Variants in PSG7 observed in about 807,000 individuals in gnomAD.
The protein encoded by PSG7 is pregnancy specific beta-1-glycoprotein 7.
Under a neutral mutation model 45.6 loss-of-function variants are expected in PSG7, and 57 were observed. That is an observed-to-expected ratio of 1.25 (90% CI 1.01 to 1.56). PSG7 has a LOEUF of 1.56. PSG7 is among the 40% of genes most tolerant of loss of function. PSG7 has a pLI of 0.00. For missense variants in PSG7, 796 were observed against 508.4 expected, an observed-to-expected ratio of 1.57 and a Z score of -5.44; for synonymous variants, 298 against 194.4, an observed-to-expected ratio of 1.53 and a Z score of -4.43.
At position 42,929,564 on chromosome 19, in the gene PSG7, G is replaced by C. The variant is rs759879897; in HGVS notation, c.587C>G (p.Ser196Cys). 9 of 1,612,622 alleles carry C rather than the reference G, an allele frequency of 5.6e-6. 1 individual carries two copies. Among genetic ancestry groups the C allele is most frequent in the South Asian group, 1.1e-5 (1 of 90,844 alleles). The change falls in exon 3 of 6, where the codon TCT (serine) becomes TGT (cysteine). Residue 196 changes from serine to cysteine, a missense_variant. Transcript: ENST00000406070. ...SLPMTHSLQL[S>C]ETNRTLYLFG... ...TAGGTAGAGGGTCCTGTTGGTTTCA[G>C]ACAGCTGCAAGCTGTGAGTCATAGG...
chr19:42,925,199 A>G, intron 5 of PSG7: 1 of 321,336 alleles, frequency 3.1e-6, no homozygotes, highest in Non-Finnish European at 5.7e-6. Context: ...ATTCTTAAAT[A>G]TAACATCCCA....
rs530977667 is a variant in PSG7 at position 42,931,310 on chromosome 19, G to T, written c.431-1590C>A. Among the ~76,000 whole-genome samples, 610 of 151,258 alleles carry T rather than the reference G, an allele frequency of 4.0e-3. 13 individuals are homozygous for T. The highest frequency in any genetic ancestry group is 7.4e-3 in the Non-Finnish European group (501 of 67,808). ...TTAGGTGTGCCGTGAATTCCAGCAG[G>T]ATCACATTATGCTCAAAGAAAGATG... is the stretch of plus-strand genomic sequence containing the variant. On this transcript the variant is annotated intron_variant, in intron 2 of 5. Transcript: ENST00000406070.
chr19:42,935,750 C>G lies in PSG7; in HGVS notation c.84G>C (p.Trp28Cys), dbSNP rs782606896. The change falls in exon 2 of 6, where the codon TGG becomes TGC. Residue 28 changes from tryptophan (W) to cysteine (C), a missense_variant. By Grantham distance (215) the Trp-to-Cys change is radical (BLOSUM62 -2). Coordinates refer to ENST00000406070, the MANE Select transcript of PSG7 (RefSeq NM_002783.3). ...LLLTASLLNF[W>C]NPPTTAQVTI... ...TGACTTGGGCTGTGGTGGGCGGGTT[C>G]CAGAAGTTTAAAAGTGATGCTAGGA... The G allele has an allele frequency of 1.7e-5, 27 of 1,610,370 alleles. 1 individual carries two copies. The Admixed American group carries it at 2.2e-4, about 13-fold the overall frequency.
At chr19:42,935,009 G>T (rs1306099577) in intron 2 of PSG7, among the ~76,000 whole-genome samples, 1 of 151,618 alleles carries the variant, frequency 6.6e-6, no homozygotes, top group Non-Finnish European at 1.5e-5. Context: ...TAGGGACAGG[G>T]GTCTGGGGTT....
At chr19:42,936,851 G>T (rs1394235161) in intron 1 of PSG7, among the ~76,000 whole-genome samples, 162 bp downstream of exon 1, 3 of 151,398 alleles carry the variant, frequency 2.0e-5, no homozygotes, top group Non-Finnish European at 2.9e-5. Context: ...GCTACATTGT[G>T]TTGGCCAGAC....
chr19:42,934,520 C>T (rs1973103619), intron 2 of PSG7, among the ~76,000 whole-genome samples: 1 of 151,546 alleles, frequency 6.6e-6, no homozygotes, highest in Non-Finnish European at 1.5e-5. Flanking sequence ...AGCTAAATGG[C>T]AAATGGACTG....
At chr19:42,932,379 T>G (rs1973040027) in intron 2 of PSG7, among the ~76,000 whole-genome samples, 1 of 151,466 alleles carries the variant, frequency 6.6e-6, no homozygotes, top group Non-Finnish European at 1.5e-5. Flanking sequence ...TACTTAGTGT[T>G]AGAACCGAGT....
chr19:42,935,967 C>T (rs1336354142), intron 1 of PSG7, among the ~76,000 whole-genome samples, 198 bp from the exon 2 acceptor site: 2 of 150,774 alleles, frequency 1.3e-5, no homozygotes, highest in Non-Finnish European at 3.0e-5. Flanking sequence ...GTGTGTCCTA[C>T]TGTCCTACTA....
Position 42,926,520 on chromosome 19 carries a change from T to C in PSG7, c.906A>G (p.Arg302=), listed in dbSNP as rs1202325157. ...CACATTGATAGGGTCCTGTTTCATTTCTCGTGACACTGGGTAGAATGAGGA... is the reference window on the plus strand; with the variant it reads ...CACATTGATAGGGTCCTGTTTCATTCCTCGTGACACTGGGTAGAATGAGGA... ...NRILILPSVT[R]NETGPYQCEI... Residue 302 remains arginine, a synonymous_variant, in exon 4 of 6, where the codon AGA becomes AGG. Coordinates refer to ENST00000406070, the MANE Select transcript of PSG7 (RefSeq NM_002783.3). The C allele has an allele frequency of 3.4e-5, 54 of 1,611,026 alleles. No homozygotes were observed. The highest frequency in any genetic ancestry group is 4.0e-5 in the Non-Finnish European group (47 of 1,179,010).
At chr19:42,930,481 G>T (rs1268259973) in intron 2 of PSG7, among the ~76,000 whole-genome samples, 3 of 151,684 alleles carry the variant, frequency 2.0e-5, no homozygotes, top group Non-Finnish European at 2.9e-5. Flanking sequence ...CCCTGTAGAG[G>T]GCAGGTGAGG....
intron 2 of PSG7, among the ~76,000 whole-genome samples, chr19:42,933,307 A>ATATATATATATATTTTTT (rs56691588): frequency 2.2e-4 from 3 of 13,502 alleles, no homozygotes; most frequent in Non-Finnish European, 3.2e-4. Context: ...ATATATATAT[A>ATATATATATATATTTTTT]TTTTTTTTTT....
Position 42,925,634 on chromosome 19 carries a change from G to T in PSG7, c.1243+139C>A, listed in dbSNP as rs910269301. The T allele has an allele frequency of 3.9e-6, 6 of 1,528,220 alleles. No homozygotes were observed. The African/African-American group carries it at 8.3e-5, about 21-fold the overall frequency. The allele number at this position is 1,528,220 out of a possible 1,614,324, so 94.7% of individuals were successfully genotyped here. On this transcript the variant is annotated intron_variant, in intron 5 of 5. Transcript: ENST00000406070. Reference sequence around the variant, plus strand: ...TTCGAAGTTCTTAGACAAATTTGGAGGGTTCAGGAGGAAAATTTGGGATTT... The same window carrying T: ...TTCGAAGTTCTTAGACAAATTTGGATGGTTCAGGAGGAAAATTTGGGATTT...
intron 2 of PSG7, among the ~76,000 whole-genome samples, chr19:42,931,178 T>C (rs1410160194): frequency 6.6e-6 from 1 of 151,538 alleles, no homozygotes; most frequent in African/African-American, 2.4e-5. Flanking sequence ...AAAGAAAAAT[T>C]TGGAGGAAAC....
rs567963209 is a variant in PSG7, at chr19:42,936,833, C to G, written c.64+180G>C. 1.7e-4 allele frequency among the ~76,000 whole-genome samples: 26 copies of G among 151,330 alleles called. 2 individuals are homozygous for G. Among genetic ancestry groups the G allele is most frequent in the Admixed American group, 1.3e-3 (20 of 15,146 alleles). On this transcript the variant is annotated intron_variant, in intron 1 of 5. Transcript: ENST00000406070. ...TGGTTAATTTTTTGTATTTTTAGTA[C>G]AGACAGGGCTACATTGTGTTGGCCA...
intron 2 of PSG7, among the ~76,000 whole-genome samples, chr19:42,933,745 A>T (rs570773737): frequency 6.6e-6 from 1 of 151,224 alleles, no homozygotes; most frequent in East Asian, 2.0e-4. Flanking sequence ...ACACCATGGC[A>T]GTGAGCAGTG....
intron 2 of PSG7, among the ~76,000 whole-genome samples, chr19:42,933,423 C>G (rs578180895): frequency 2.1e-4 from 30 of 145,730 alleles, no homozygotes; most frequent in Admixed American, 1.5e-3. Flanking sequence ...GTCCACAGGT[C>G]AGCCTCACAA....
chr19:42,935,696 G>A lies in PSG7; in HGVS notation c.138C>T (p.Ser46=), dbSNP rs113195821. The A allele has an allele frequency of 0.14, 231,889 of 1,611,582 alleles. 21,965 individuals are homozygous for A. The highest frequency in any genetic ancestry group is 0.2 in the Admixed American group (11,990 of 59,742). The part of the protein sequence containing the change: ...VTIEAQPPKV[S]EGKDVLLLVH... ...CAAGTAGAAGAACATCCTTCCCCTCGGAAACTTTTGGTGGCTGGGCTTCAA... is the reference window on the plus strand; with the variant it reads ...CAAGTAGAAGAACATCCTTCCCCTCAGAAACTTTTGGTGGCTGGGCTTCAA... Residue 46 remains serine, a synonymous_variant, in exon 2 of 6, where the codon TCC becomes TCT. Transcript: ENST00000406070.
Position 42,929,609 on chromosome 19 carries a change from C to T in PSG7, c.542G>A (p.Trp181Ter), listed in dbSNP as rs1972972550. The change falls in exon 3 of 6, where the codon TGG (tryptophan) becomes TAG (stop). Residue 181 changes from tryptophan to a stop codon, truncating the protein, a stop_gained. Transcript: ENST00000406070. LOFTEE classifies it high-confidence loss of function. ...CATAGGGAGGCTCTGACCATTCATC[C>T]ACCACAGGTAGCTTGCATCTGGAGT... The part of the protein sequence containing the change: ...PETPDASYLW[W>*]MNGQSLPMTH... The T allele has an allele frequency of 6.2e-7, 1 of 1,612,456 alleles. No individual in the cohort carries two copies. The highest frequency in any genetic ancestry group is 1.3e-5 in the African/African-American group (1 of 74,656).
At position 42,934,815 on chromosome 19, in the gene PSG7, G is replaced by A. The variant is rs557791913; in HGVS notation, c.430+589C>T. ...TCTTTCTGTCCTCTCCACTCTGAGT[G>A]TCAGGTGAAGAAAGCTCTGTCCTTG... On this transcript the variant is annotated intron_variant, in intron 2 of 5. Transcript: ENST00000406070. Among the ~76,000 whole-genome samples the A allele has an allele frequency of 4.6e-5, 7 of 151,766 alleles. 1 individual carries two copies. The highest frequency in any genetic ancestry group is 3.9e-4 in the East Asian group (2 of 5,150).
Sources: allele counts gnomAD v4.1 joint callset (sites outside exome capture counted in the v4.1 genomes callset), GRCh38; gene constraint gnomAD v4.1.1; transcripts MANE v1.5; gene names NCBI Gene and HGNC (gene_info 2026-07-23, HGNC 2026-07-21).